Variants in AKAP8 observed in about 807,000 individuals in gnomAD.
The protein encoded by AKAP8 is A-kinase anchor protein 8.
In AKAP8, 24 loss-of-function variants were observed where a neutral mutation model predicts 67.5. The ratio of observed to expected loss-of-function variants is 0.36; its 90% CI spans 0.26 to 0.50. AKAP8 has a LOEUF of 0.50. Among genes scored for constraint, AKAP8 ranks in the 20% least tolerant of loss-of-function variants. AKAP8 has a pLI of 0.97. For missense variants in AKAP8, 971 were observed against 955.9 expected (o/e 1.02, Z -0.21); for synonymous variants, 400 against 371.1 (o/e 1.08, Z -0.90).
intron 2 of AKAP8, among the ~76,000 whole-genome samples, chr19:15,375,482 A>G (rs1458370254): frequency 6.6e-6 from 1 of 152,180 alleles, no homozygotes; most frequent in Non-Finnish European, 1.5e-5. Flanking sequence ...AGTGTATTCA[A>G]TGACAAATTT....
At chr19:15,363,318 C>T (rs1967007241) in intron 9 of AKAP8, among the ~76,000 whole-genome samples, 1 of 144,304 alleles carries the variant, frequency 6.9e-6, no homozygotes, top group South Asian at 2.2e-4. Context: ...TGAGGAGACC[C>T]TCTGCCCGGC....
chr19:15,371,684 T>C (rs970682060), intron 7 of AKAP8, among the ~76,000 whole-genome samples: 1 of 152,062 alleles, frequency 6.6e-6, no homozygotes, highest in Non-Finnish European at 1.5e-5. Flanking sequence ...AGACGGGGTT[T>C]CACCATGTTG....
intron 8 of AKAP8, 159 bp from the exon 9 acceptor site, chr19:15,368,481 G>C (rs1055816333): frequency 3.3e-5 from 33 of 985,236 alleles, no homozygotes; most frequent in Non-Finnish European, 4.0e-5. Context: ...CACTGTCAGA[G>C]ACTCCTGGTG....
In AKAP8 at chr19:15,369,624, T is replaced by A. The variant is rs968747995; in HGVS notation, c.1072+522A>T. The stretch of plus-strand genomic sequence containing the variant: ...GGGCGCCCGCCTCTCAAAGACCCAG[T>A]GGGCCTGGGTGCTCCCGACCCCGCA... On this transcript the variant is annotated intron_variant, in intron 8 of 13. Coordinates refer to ENST00000269701, the MANE Select transcript of AKAP8 (RefSeq NM_005858.4). The surrounding 1 kb of genome is among the most constrained non-coding windows in gnomAD (Gnocchi z 4.6). 6.6e-6 allele frequency among the ~76,000 whole-genome samples: 1 copy of A among 152,190 alleles called. No homozygotes were observed. The highest frequency in any genetic ancestry group is 1.5e-5 in the Non-Finnish European group (1 of 68,028).
intron 3 of AKAP8, 39 bp from the exon 4 acceptor site, chr19:15,374,104 C>A: frequency 6.6e-7 from 1 of 1,523,416 alleles, no homozygotes. Flanking sequence ...CTTCAGCAGC[C>A]ACGAGGCCTG....
At chr19:15,356,643 T>G (rs184141630) in intron 13 of AKAP8, among the ~76,000 whole-genome samples, 2 of 152,182 alleles carry the variant, frequency 1.3e-5, no homozygotes, top group East Asian at 3.9e-4. Context: ...CCTAAGTATA[T>G]GATAGAAAAC....
At chr19:15,370,028 C>T (rs1166420772) in intron 8 of AKAP8, 118 bp downstream of exon 8, 7 of 1,285,780 alleles carry the variant, frequency 5.4e-6, no homozygotes, top group African/African-American at 1.5e-5. Flanking sequence ...TGCAGCCCCT[C>T]TTCCCCCACA....
rs183896741 is a variant in AKAP8, at chr19:15,377,151, A to C, written c.20-137T>G. ...GGAAGACTCCCCCCCACCCCACCAA[A>C]AAAAAGCCATCACACAACTGGCTAA... On this transcript the variant is annotated intron_variant, in intron 1 of 13. Coordinates refer to ENST00000269701, the MANE Select transcript of AKAP8 (RefSeq NM_005858.4). 350 of 955,254 alleles carry C rather than the reference A, an allele frequency of 3.7e-4. 2 individuals are homozygous for C. The highest frequency in any genetic ancestry group is 2.8e-5 in the Non-Finnish European group (18 of 651,938). 59.2% of individuals were successfully genotyped at this position (955,254 alleles called of 1,614,324 possible).
At chr19:15,377,066 G>T in intron 1 of AKAP8, 52 bp from the exon 2 acceptor site, 1 of 1,588,122 alleles carries the variant, frequency 6.3e-7, no homozygotes, top group Admixed American at 1.8e-5. Flanking sequence ...CAGAGAACGG[G>T]TCCTTTTGGG....
chr19:15,374,162 G>A lies in AKAP8; in HGVS notation c.92-97C>T. On this transcript the variant is annotated intron_variant, in intron 3 of 13. Transcript: ENST00000269701. ...AGGGGCACCCGCTGCCACGGAGAAG[G>A]AAAACGGGTGTGGGACCCAGTGCTG... The A allele has an allele frequency of 2.2e-6, 3 of 1,394,280 alleles. 1 individual carries two copies. In the South Asian group the frequency reaches 4.3e-5, roughly 20 times the overall value. The allele number at this position is 1,394,280 out of a possible 1,614,324, so 86.4% of individuals were successfully genotyped here.
intron 12 of AKAP8, 115 bp downstream of exon 12, chr19:15,360,733 G>A: frequency 7.7e-7 from 1 of 1,302,272 alleles, no homozygotes; most frequent in Non-Finnish European, 1.0e-6. Flanking sequence ...GGAAGTGATA[G>A]ACTTGAAACA....
At chr19:15,370,087 G>GT in intron 8 of AKAP8, 59 bp downstream of exon 8, 2 of 1,605,450 alleles carry the variant, frequency 1.2e-6, no homozygotes, top group Non-Finnish European at 1.7e-6. Flanking sequence ...AAGCTGGGCA[G>GT]TAAGTGCGGG....
At chr19:15,379,618 G>T (rs976236294) in intron 1 of AKAP8, 95 bp downstream of exon 1, 14 of 1,449,580 alleles carry the variant, frequency 9.7e-6, no homozygotes, top group African/African-American at 1.5e-5. Context: ...AACCACGCTC[G>T]GGACGAAGGC....
Position 15,355,164 on chromosome 19 carries a change from C to A in AKAP8, c.1830G>T (p.Thr610=), listed in dbSNP as rs1474770571. ...SGEPAEDEGP[T]DTAEAGSDPQ... is the part of the protein sequence containing the mutation. The stretch of plus-strand genomic sequence containing the variant: ...GATCACTACCGGCCTCCGCTGTGTC[C>A]GTGGGGCCTTCGTCCTCAGCCGGCT... The change falls in exon 14 of 14, where the codon ACG becomes ACT. Residue 610 remains threonine, a synonymous_variant. Transcript: ENST00000269701. 2 of 1,612,746 alleles carry A rather than the reference C, an allele frequency of 1.2e-6. No individual in the cohort carries two copies. Among genetic ancestry groups the A allele is most frequent in the Admixed American group, 3.3e-5 (2 of 60,012 alleles).
Position 15,373,298 on chromosome 19 carries a change from G to A in AKAP8, c.414C>T (p.Pro138=). ...FQPFESYDSR[P]CLPEHNPYRP... ...GGTAGGGGTTGTGCTCCGGCAGGCA[G>A]GGCCTGGAGTCATAGGACTCGAACG... The change falls in exon 5 of 14, where the codon CCC becomes CCT. Residue 138 remains proline, a synonymous_variant. Transcript: ENST00000269701. 1 of 1,613,410 alleles carries A rather than the reference G, an allele frequency of 6.2e-7. No homozygotes were observed. Among genetic ancestry groups the A allele is most frequent in the Non-Finnish European group, 8.5e-7 (1 of 1,179,834 alleles).
At position 15,373,068 on chromosome 19, in the gene AKAP8, G is replaced by A. The variant is rs563931587; in HGVS notation, c.644C>T (p.Ala215Val). ...MRSDPFVPPA[A>V]SSEPLSTPWN... Reference sequence around the variant, plus strand: ...GGGCGTGGACAGGGGCTCAGAGGACGCAGCGGGGGGCACGAAGGGGTCGCT... The same window carrying A: ...GGGCGTGGACAGGGGCTCAGAGGACACAGCGGGGGGCACGAAGGGGTCGCT... Residue 215 changes from alanine (A) to valine (V), a missense_variant, in exon 5 of 14, where the codon GCG (alanine) becomes GTG (valine). Ala to Val is a moderately conservative substitution (Grantham distance 64, BLOSUM62 0). Coordinates refer to ENST00000269701, the MANE Select transcript of AKAP8 (RefSeq NM_005858.4). 5 of 1,608,574 alleles carry A rather than the reference G, an allele frequency of 3.1e-6. No individual in the cohort carries two copies. Among genetic ancestry groups the A allele is most frequent in the South Asian group, 2.2e-5 (2 of 90,602 alleles).
intron 8 of AKAP8, 104 bp from the exon 9 acceptor site, chr19:15,368,426 C>G: frequency 6.3e-7 from 1 of 1,587,688 alleles, no homozygotes; most frequent in East Asian, 2.2e-5. Flanking sequence ...ACCCTGTGCC[C>G]TGCCACTGCC....
At chr19:15,375,571 G>C (rs949886735) in intron 2 of AKAP8, among the ~76,000 whole-genome samples, 1 of 151,062 alleles carries the variant, frequency 6.6e-6, no homozygotes, top group African/African-American at 2.4e-5. Context: ...GAGCTATAGT[G>C]AATAATATCA....
rs1967115889 is a variant in AKAP8 at position 15,369,243 on chromosome 19, T to C, written c.1072+903A>G. On this transcript the variant is annotated intron_variant, in intron 8 of 13. Transcript: ENST00000269701. This position sits in a 1 kb window ranked among gnomAD's most constrained non-coding sequence, Gnocchi z 4.6. ...GCAGGACCTGCGCGCAACAGACATG[T>C]CACCTTTGCTTTAGCATTGTGCCGC... 4 of 985,498 alleles carry C rather than the reference T, an allele frequency of 4.1e-6. No individual in the cohort carries two copies. The highest frequency in any genetic ancestry group is 4.8e-6 in the Non-Finnish European group (4 of 829,962). 61.0% of individuals were successfully genotyped at this position (985,498 alleles called of 1,614,324 possible).
Sources: allele counts gnomAD v4.1 joint callset (sites outside exome capture counted in the v4.1 genomes callset), GRCh38; gene constraint gnomAD v4.1.1; non-coding constraint Gnocchi (gnomAD v3.1); transcripts MANE v1.5; gene names NCBI Gene and HGNC (gene_info 2026-07-23, HGNC 2026-07-21).